AGBL1: variants seen among roughly 807,000 people sequenced by gnomAD.
The protein encoded by AGBL1 is AGBL carboxypeptidase 1.
Under a neutral mutation model 118.9 loss-of-function variants are expected in AGBL1, and 130 were observed. The observed-to-expected ratio is 1.09, with a 90% CI of 0.95 to 1.26. The LOEUF (loss-of-function observed/expected upper bound fraction) is 1.26. AGBL1 is among the 50% of genes most tolerant of loss of function. The pLI is 0.00. For missense variants in AGBL1, 1,584 were observed against 1,298.1 expected (o/e 1.22, Z -3.38); for synonymous variants, 555 against 478.9 (o/e 1.16, Z -2.08).
intron 21 of AGBL1, among the ~76,000 whole-genome samples, chr15:86,580,757 T>TGAATA (rs2142330961): frequency 6.6e-6 from 1 of 152,310 alleles, no homozygotes; most frequent in African/African-American, 2.4e-5. Context: ...CAAGAAATTT[T>TGAATA]TGTTAACTAT....
chr15:86,936,867 A>G (rs779339938), intron 23 of AGBL1, among the ~76,000 whole-genome samples: 19 of 152,350 alleles, frequency 1.2e-4, no homozygotes, highest in Middle Eastern at 3.4e-3. Context: ...TAAACAGACA[A>G]CCTACAAAAT....
intron 22 of AGBL1, among the ~76,000 whole-genome samples, chr15:86,717,852 GACAGATC>G (rs1382826855): frequency 5.9e-5 from 9 of 152,176 alleles, no homozygotes; most frequent in Non-Finnish European, 1.2e-4. Flanking sequence ...GGCTGAGGCA[GACAGATC>G]ACAGGGTTAG....
At chr15:86,700,182 G>T (rs1195522446) in intron 22 of AGBL1, among the ~76,000 whole-genome samples, 1 of 151,826 alleles carries the variant, frequency 6.6e-6, no homozygotes, top group Non-Finnish European at 1.5e-5. Flanking sequence ...TTTCTTCAGT[G>T]ACTTATACTT....
intron 18 of AGBL1, among the ~76,000 whole-genome samples, chr15:86,489,415 A>T (rs2082751880): frequency 6.6e-6 from 1 of 152,154 alleles, no homozygotes. Flanking sequence ...ATCTGACTTG[A>T]TGTGACTATT....
chr15:86,317,525 C>T (rs1176177638), intron 17 of AGBL1, among the ~76,000 whole-genome samples: 1 of 152,146 alleles, frequency 6.6e-6, no homozygotes, highest in Non-Finnish European at 1.5e-5. Flanking sequence ...GGCACCACTC[C>T]CTTGGGGTGA....
At chr15:86,622,347 G>A (rs555222027) in intron 21 of AGBL1, among the ~76,000 whole-genome samples, 1,811 of 150,174 alleles carry the variant, frequency 0.012, 14 homozygotes, top group Non-Finnish European at 0.02. Flanking sequence ...AAAAAAAAAG[G>A]GGGTAGGGGG....
chr15:86,188,463 T>C (rs2077667740), intron 5 of AGBL1, among the ~76,000 whole-genome samples: 1 of 152,220 alleles, frequency 6.6e-6, no homozygotes, highest in Non-Finnish European at 1.5e-5. Flanking sequence ...TGCTCATCTA[T>C]CTACAGACTT....
chr15:86,304,204 C>A (rs2079800557), intron 17 of AGBL1, among the ~76,000 whole-genome samples: 1 of 152,074 alleles, frequency 6.6e-6, no homozygotes, highest in South Asian at 2.1e-4. Flanking sequence ...CTCTGCATTC[C>A]TCTCCCACCC....
At position 86,170,055 on chromosome 15, in the gene AGBL1, T is replaced by C. The variant is rs138276078; in HGVS notation, c.488+11029T>C. Among the ~76,000 whole-genome samples the C allele has an allele frequency of 5.3e-5, 8 of 152,328 alleles. No individual in the cohort carries two copies. In the East Asian group the frequency reaches 1.5e-3, roughly 29 times the overall value. ...AGCACTACCCATGAGGAGGAGATAA[T>C]TTATTCAATCAAAACCAGAACTGAG... On this transcript the variant is annotated intron_variant, in intron 5 of 22. Coordinates refer to ENST00000614907, the MANE Select transcript of AGBL1 (RefSeq NM_001386094.1).
chr15:86,182,501 C>G (rs779650508), intron 5 of AGBL1, among the ~76,000 whole-genome samples: 38 of 152,136 alleles, frequency 2.5e-4, no homozygotes, highest in Admixed American at 8.5e-4. Context: ...CAGCTTTGGT[C>G]TAGTGTTATA....
intron 22 of AGBL1, among the ~76,000 whole-genome samples, chr15:86,715,971 CAGG>C (rs1336967555): frequency 6.7e-6 from 1 of 149,912 alleles, no homozygotes; most frequent in Non-Finnish European, 1.5e-5. Context: ...GAGGCTGAGG[CAGG>C]AGAATCACTT....
chr15:86,681,809 A>T (rs751770838), intron 22 of AGBL1, among the ~76,000 whole-genome samples: 4 of 152,250 alleles, frequency 2.6e-5, no homozygotes, highest in Non-Finnish European at 5.9e-5. Flanking sequence ...GAGAGTACAA[A>T]GTTGGGTGAT....
chr15:86,534,072 C>G (rs2083387587), intron 19 of AGBL1, among the ~76,000 whole-genome samples: 1 of 126,254 alleles, frequency 7.9e-6, no homozygotes, highest in African/African-American at 3.2e-5. Context: ...TGTAACTAAC[C>G]TGCACAATGT....
chr15:86,721,987 C>T (rs1307924839), intron 22 of AGBL1, among the ~76,000 whole-genome samples: 1 of 152,138 alleles, frequency 6.6e-6, no homozygotes, highest in Non-Finnish European at 1.5e-5. Flanking sequence ...CTACAAACCA[C>T]TGCTCAAGGA....
At chr15:86,318,207 A>G (rs961518611) in intron 17 of AGBL1, among the ~76,000 whole-genome samples, 5 of 152,230 alleles carry the variant, frequency 3.3e-5, no homozygotes, top group African/African-American at 7.2e-5. Flanking sequence ...ATCATGAGTC[A>G]TATTACATAT....
At chr15:86,851,874 G>T (rs547432356) in intron 22 of AGBL1, among the ~76,000 whole-genome samples, 1 of 152,108 alleles carries the variant, frequency 6.6e-6, no homozygotes, top group African/African-American at 2.4e-5. Flanking sequence ...GGGAGGTAGT[G>T]GGAAGTTCAG....
chr15:86,291,375 G>C (rs201992876), intron 16 of AGBL1, among the ~76,000 whole-genome samples: 1 of 130,446 alleles, frequency 7.7e-6, no homozygotes, highest in African/African-American at 3.0e-5. Flanking sequence ...CACACACACA[G>C]AGACACATAC....
intron 6 of AGBL1, among the ~76,000 whole-genome samples, chr15:86,231,980 C>T (rs144052145): frequency 6.0e-4 from 92 of 152,304 alleles, no homozygotes; most frequent in Non-Finnish European, 8.7e-4. Context: ...ACCCAGCACA[C>T]CACCATGGCT....
At chr15:86,647,130 A>AT (rs2085293444) in intron 21 of AGBL1, among the ~76,000 whole-genome samples, 3 of 152,176 alleles carry the variant, frequency 2.0e-5, no homozygotes, top group Admixed American at 6.5e-5. Context: ...ATTGATTTAT[A>AT]TAACAATCAA....
Sources: allele counts gnomAD v4.1 joint callset (sites outside exome capture counted in the v4.1 genomes callset), GRCh38; gene constraint gnomAD v4.1.1; transcripts MANE v1.5; gene names NCBI Gene and HGNC (gene_info 2026-07-23, HGNC 2026-07-21).